The following TOX variants were observed in gnomAD, a reference collection of about 807,000 sequenced individuals.
TOX encodes the protein thymocyte selection associated high mobility group box.
TOX carries 11 observed loss-of-function variants against 53.7 expected under a neutral mutation model. That is an observed-to-expected ratio of 0.20 (90% CI 0.13 to 0.34). TOX has a LOEUF of 0.34. Among genes scored for constraint, TOX ranks in the 10% least tolerant of loss-of-function variants. The pLI is 1.00. For synonymous variants in TOX, 225 were observed against 245.3 expected (o/e 0.92, Z 0.77); for missense variants, 570 against 664.6 (o/e 0.86, Z 1.56).
intron 5 of TOX, among the ~76,000 whole-genome samples, chr8:58,827,952 T>C (rs1810392124): frequency 6.6e-6 from 1 of 152,212 alleles, no homozygotes; most frequent in East Asian, 1.9e-4. Context: ...GATACAGCTA[T>C]TTTAAATTTC....
intron 1 of TOX, among the ~76,000 whole-genome samples, chr8:59,037,801 CAAAAAAAAAA>C (rs769397049): frequency 4.5e-4 from 44 of 98,060 alleles, no homozygotes; most frequent in African/African-American, 1.4e-3. Context: ...GACTCCATCT[CAAAAAAAAAA>C]AAAAAAAAAA....
chr8:58,985,141 A>G, intron 1 of TOX, among the ~76,000 whole-genome samples: 1 of 150,020 alleles, frequency 6.7e-6, no homozygotes, highest in South Asian at 2.1e-4. Context: ...GTCTATATAG[A>G]TATATATCTA....
intron 1 of TOX, among the ~76,000 whole-genome samples, chr8:59,025,998 G>A (rs1814229589): frequency 6.6e-6 from 1 of 152,202 alleles, no homozygotes; most frequent in African/African-American, 2.4e-5. Context: ...TAAACACACA[G>A]GACTACAGCT....
chr8:59,007,962 A>G (rs1813822836), intron 1 of TOX, among the ~76,000 whole-genome samples: 1 of 152,210 alleles, frequency 6.6e-6, no homozygotes, highest in Admixed American at 6.5e-5. Context: ...ATTTAACATG[A>G]ATATTTTTCC....
chr8:58,983,468 G>A lies in TOX; in HGVS notation c.103-23460C>T, dbSNP rs188003086. Among the ~76,000 whole-genome samples, 113 of 152,288 alleles carry A rather than the reference G, an allele frequency of 7.4e-4. 1 individual carries two copies. The highest frequency in any genetic ancestry group is 1.5e-3 in the Non-Finnish European group (101 of 68,022). ...CATGTTCTACCTCTTAAATGCTACA[G>A]AAATCTGAATAAAGAGACAAGTTTT... is the stretch of plus-strand genomic sequence containing the variant. On this transcript the variant is annotated intron_variant, in intron 1 of 8. Transcript: ENST00000361421.
intron 1 of TOX, among the ~76,000 whole-genome samples, chr8:59,110,751 A>G (rs551845696): frequency 5.7e-4 from 86 of 151,772 alleles, no homozygotes; most frequent in African/African-American, 2.0e-3. Flanking sequence ...GGGCCTATCA[A>G]TATCTGAGGG....
intron 3 of TOX, among the ~76,000 whole-genome samples, chr8:58,882,216 C>T (rs1811395268): frequency 6.6e-6 from 1 of 152,184 alleles, no homozygotes; most frequent in South Asian, 2.1e-4. Context: ...ATTAGGATGG[C>T]ATAAGAATGT....
chr8:58,905,121 C>G (rs544265037), intron 3 of TOX, among the ~76,000 whole-genome samples: 1 of 152,242 alleles, frequency 6.6e-6, no homozygotes, highest in Non-Finnish European at 1.5e-5. Flanking sequence ...TTAGTAGAGA[C>G]GGGGTTTTAC....
At chr8:59,054,836 GAAGA>G (rs1403027049) in intron 1 of TOX, among the ~76,000 whole-genome samples, 1 of 112,236 alleles carries the variant, frequency 8.9e-6, no homozygotes, top group Non-Finnish European at 1.9e-5. Context: ...AAAGAGAAAG[GAAGA>G]AAGAAAGAAA....
intron 1 of TOX, among the ~76,000 whole-genome samples, chr8:58,983,757 G>C (rs1813270720): frequency 6.6e-6 from 1 of 152,154 alleles, no homozygotes; most frequent in Admixed American, 6.5e-5. Flanking sequence ...CTTTTGCCCT[G>C]TAGAGGTTCA....
chr8:59,013,976 A>G (rs1413823518), intron 1 of TOX, among the ~76,000 whole-genome samples: 1 of 152,210 alleles, frequency 6.6e-6, no homozygotes, highest in Admixed American at 6.5e-5. Context: ...GTATGCATTT[A>G]TTTCTAAAAC....
At chr8:58,890,886 T>C (rs1811548407) in intron 3 of TOX, among the ~76,000 whole-genome samples, 1 of 152,028 alleles carries the variant, frequency 6.6e-6, no homozygotes, top group South Asian at 2.1e-4. Context: ...CCTTGGGTGG[T>C]GTTCACACTT....
intron 1 of TOX, among the ~76,000 whole-genome samples, chr8:58,989,261 A>G (rs1813395101): frequency 6.6e-6 from 1 of 151,998 alleles, no homozygotes; most frequent in South Asian, 2.1e-4. Flanking sequence ...GGTGGCAGGG[A>G]GCCGAGATCA....
At chr8:59,092,685 A>C in intron 1 of TOX, among the ~76,000 whole-genome samples, 1 of 151,994 alleles carries the variant, frequency 6.6e-6, no homozygotes, top group East Asian at 1.9e-4. Context: ...TGTCCTGGTT[A>C]ATTCTTACTG....
chr8:58,904,298 G>A (rs550561384), intron 3 of TOX, among the ~76,000 whole-genome samples: 1 of 150,156 alleles, frequency 6.7e-6, no homozygotes, highest in East Asian at 2.0e-4. Context: ...GATTGTAGAC[G>A]ACATATTTTT....
At chr8:59,052,788 C>A (rs770322365) in intron 1 of TOX, among the ~76,000 whole-genome samples, 1 of 152,222 alleles carries the variant, frequency 6.6e-6, no homozygotes, top group African/African-American at 2.4e-5. Context: ...TAATAATATA[C>A]CTCTCAAAGT....
At chr8:58,975,706 C>T (rs1360176148) in intron 1 of TOX, among the ~76,000 whole-genome samples, 1 of 152,070 alleles carries the variant, frequency 6.6e-6, no homozygotes, top group South Asian at 2.1e-4. Context: ...AGGGTCTTGC[C>T]TTACTGTTGA....
chr8:58,990,181 C>T (rs943444450), intron 1 of TOX, among the ~76,000 whole-genome samples: 12 of 152,140 alleles, frequency 7.9e-5, no homozygotes, highest in Admixed American at 7.2e-4. Flanking sequence ...AAAACTGAGG[C>T]ACAGAGCAGG....
chr8:58,846,359 C>T (rs576711051), intron 4 of TOX, among the ~76,000 whole-genome samples: 115 of 152,110 alleles, frequency 7.6e-4, no homozygotes, highest in African/African-American at 2.6e-3. Flanking sequence ...GATGACAATA[C>T]CAGACTTCCA....
Sources: gnomAD v4.1 joint callset for allele counts (sites outside exome capture counted in the v4.1 genomes callset) on GRCh38, gnomAD v4.1.1 for gene constraint, MANE v1.5 for transcripts, NCBI Gene and HGNC (gene_info 2026-07-23, HGNC 2026-07-21) for gene names.